The following ALCAM variants were observed in gnomAD, a reference collection of about 807,000 sequenced individuals.
The protein encoded by ALCAM is activated leukocyte cell adhesion molecule.
Under a neutral mutation model 70.9 loss-of-function variants are expected in ALCAM, and 30 were observed. The ratio of observed to expected loss-of-function variants is 0.42; its 90% CI spans 0.32 to 0.57. The LOEUF is 0.57. Among genes scored for constraint, ALCAM ranks in the 20% least tolerant of loss-of-function variants. The pLI, the probability that ALCAM is intolerant of heterozygous loss-of-function variation, is 0.11. For synonymous variants in ALCAM, 249 were observed against 242.5 expected (o/e 1.03, Z -0.25); for missense variants, 591 against 695.1 (o/e 0.85, Z 1.68).
intron 1 of ALCAM, among the ~76,000 whole-genome samples, chr3:105,415,172 G>A (rs1403270144): frequency 6.6e-6 from 1 of 152,102 alleles, no homozygotes; most frequent in Non-Finnish European, 1.5e-5. Flanking sequence ...TTTACTGAAA[G>A]ACTCCAGGAA....
In ALCAM at chr3:105,404,637, G is replaced by A. The variant is rs115706432; in HGVS notation, c.73+37156G>A. Among the ~76,000 whole-genome samples, 1,354 of 149,702 alleles carry A rather than the reference G, an allele frequency of 9.0e-3. 15 individuals are homozygous for A. Among genetic ancestry groups the A allele is most frequent in the African/African-American group, 0.015 (612 of 40,628 alleles). ...ATACACAAAATAGAACCTCCCTAAA[G>A]CATAAATCTCACAGGACCTATATAA... On this transcript the variant is annotated intron_variant, in intron 1 of 15. Coordinates refer to ENST00000306107, the MANE Select transcript of ALCAM (RefSeq NM_001627.4).
intron 1 of ALCAM, among the ~76,000 whole-genome samples, chr3:105,425,269 A>G (rs1391546589): frequency 2.6e-5 from 4 of 151,754 alleles, no homozygotes; most frequent in African/African-American, 9.7e-5. Context: ...TGTGCCTCAT[A>G]TGTTTGATGA....
chr3:105,415,332 T>C lies in ALCAM; in HGVS notation c.73+47851T>C, dbSNP rs554510172. ...GTTTTCCTGATACAAATAAATCTTA[T>C]AGATGCGTCCATGCTGTCTTTGGAA... On this transcript the variant is annotated intron_variant, in intron 1 of 15. Transcript: ENST00000306107. 7.2e-5 allele frequency among the ~76,000 whole-genome samples: 11 copies of C among 152,254 alleles called. No individual in the cohort carries two copies. In the South Asian group the frequency reaches 1.4e-3, roughly 20 times the overall value.
chr3:105,525,032 C>T, intron 3 of ALCAM: 3 of 878,550 alleles, frequency 3.4e-6, no homozygotes, highest in Non-Finnish European at 4.1e-6. Flanking sequence ...TATATATCCA[C>T]ATACAAATAT....
chr3:105,519,591 T>C (rs929517184), intron 1 of ALCAM, among the ~76,000 whole-genome samples: 15 of 152,122 alleles, frequency 9.9e-5, no homozygotes, highest in Admixed American at 1.3e-4. Flanking sequence ...TAATAGTTTT[T>C]TGAATTTTAC....
intron 1 of ALCAM, among the ~76,000 whole-genome samples, chr3:105,434,103 C>A (rs1048543408): frequency 6.6e-6 from 1 of 152,120 alleles, no homozygotes; most frequent in Non-Finnish European, 1.5e-5. Context: ...TTTCATGATT[C>A]ATAACAACTT....
intron 14 of ALCAM, among the ~76,000 whole-genome samples, chr3:105,562,381 T>C (rs1011019798): frequency 3.3e-5 from 5 of 152,230 alleles, no homozygotes; most frequent in African/African-American, 1.2e-4. Context: ...TCAAATGTTC[T>C]TCTATATCTA....
chr3:105,564,779 C>A (rs1346429123), intron 14 of ALCAM, among the ~76,000 whole-genome samples: 1 of 152,200 alleles, frequency 6.6e-6, no homozygotes, highest in Non-Finnish European at 1.5e-5. Context: ...AGGTGGGTGG[C>A]TCACACTTGT....
At chr3:105,489,373 G>GA (rs1224338629) in intron 1 of ALCAM, among the ~76,000 whole-genome samples, 1 of 152,038 alleles carries the variant, frequency 6.6e-6, no homozygotes, top group Non-Finnish European at 1.5e-5. Context: ...GGCTTACAGT[G>GA]AAAAAAGCAA....
chr3:105,557,807 G>A (rs1473327253), intron 14 of ALCAM, among the ~76,000 whole-genome samples: 1 of 152,050 alleles, frequency 6.6e-6, no homozygotes, highest in Non-Finnish European at 1.5e-5. Context: ...GAGGACACAC[G>A]CATTCCCTAT....
At chr3:105,568,166 G>T (rs972050641) in intron 14 of ALCAM, among the ~76,000 whole-genome samples, 1 of 150,244 alleles carries the variant, frequency 6.7e-6, no homozygotes, top group Non-Finnish European at 1.5e-5. Flanking sequence ...GGGTTCAAGC[G>T]ATTCTCCTGC....
intron 1 of ALCAM, among the ~76,000 whole-genome samples, chr3:105,505,820 T>C (rs1939058676): frequency 6.6e-6 from 1 of 152,192 alleles, no homozygotes; most frequent in African/African-American, 2.4e-5. Flanking sequence ...AGATATAACC[T>C]ACACTATTCT....
chr3:105,505,607 A>G (rs1178969522), intron 1 of ALCAM, among the ~76,000 whole-genome samples: 5 of 152,210 alleles, frequency 3.3e-5, no homozygotes, highest in Admixed American at 2.0e-4. Flanking sequence ...TGTCCAATTT[A>G]TCTGAATTAA....
chr3:105,439,759 TA>T (rs1937130884), intron 1 of ALCAM, among the ~76,000 whole-genome samples: 1 of 152,170 alleles, frequency 6.6e-6, no homozygotes, highest in Non-Finnish European at 1.5e-5. Flanking sequence ...CAGAGGGAGT[TA>T]ACTTCTGTGG....
At chr3:105,403,680 C>T in intron 1 of ALCAM, among the ~76,000 whole-genome samples, 1 of 151,880 alleles carries the variant, frequency 6.6e-6, no homozygotes, top group African/African-American at 2.4e-5. Context: ...GAGGTTTCTT[C>T]AACACCCCAA....
chr3:105,420,230 C>T (rs1422347121), intron 1 of ALCAM, among the ~76,000 whole-genome samples: 1 of 151,566 alleles, frequency 6.6e-6, no homozygotes, highest in East Asian at 1.9e-4. Context: ...CTCTCTCTTC[C>T]TTTCTCTCTT....
At chr3:105,542,315 C>T (rs936186204) in intron 8 of ALCAM, among the ~76,000 whole-genome samples, 1 of 151,736 alleles carries the variant, frequency 6.6e-6, no homozygotes, top group African/African-American at 2.4e-5. Context: ...GTGGACATAA[C>T]TTTTTAACTT....
chr3:105,452,269 C>T (rs1937447292), intron 1 of ALCAM, among the ~76,000 whole-genome samples: 1 of 152,020 alleles, frequency 6.6e-6, no homozygotes, highest in Non-Finnish European at 1.5e-5. Context: ...CTCTCTGTGT[C>T]CATGTGTTCT....
intron 11 of ALCAM, 24 bp downstream of exon 11, chr3:105,547,547 A>G (rs1440199986): frequency 3.7e-6 from 6 of 1,600,918 alleles, no homozygotes; most frequent in East Asian, 2.2e-5. Context: ...TTCTTGTTAT[A>G]TGCTGCACTT....
Sources: gnomAD v4.1 joint callset for allele counts (sites outside exome capture counted in the v4.1 genomes callset) on GRCh38, gnomAD v4.1.1 for gene constraint, MANE v1.5 for transcripts, NCBI Gene and HGNC (gene_info 2026-07-23, HGNC 2026-07-21) for gene names.